Variants in RUNX2 observed in about 807,000 individuals in gnomAD.
RUNX2 encodes the protein RUNX family transcription factor 2.
A neutral mutation model predicts 51.7 loss-of-function variants in RUNX2; 10 were observed. The observed-to-expected ratio is 0.19, with a 90% CI of 0.12 to 0.33. The LOEUF (loss-of-function observed/expected upper bound fraction) is 0.33, where lower values mean the gene tolerates loss of function less well. RUNX2 is among the 10% of genes least tolerant of loss of function. The pLI is 1.00. For missense variants in RUNX2, 562 were observed against 691.3 expected, an observed-to-expected ratio of 0.81 and a Z score of 2.10; for synonymous variants, 276 against 273.6, an observed-to-expected ratio of 1.01 and a Z score of -0.09.
chr6:45,336,688 T>C (rs1355349826), intron 2 of RUNX2, among the ~76,000 whole-genome samples: 1 of 151,480 alleles, frequency 6.6e-6, no homozygotes, highest in Non-Finnish European at 1.5e-5. Context: ...CTCCAAGAAA[T>C]ACTGTAACAC....
chr6:45,340,973 CTTTATTTCT>C (rs1333431898), intron 2 of RUNX2, among the ~76,000 whole-genome samples: 1 of 152,086 alleles, frequency 6.6e-6, no homozygotes, highest in Non-Finnish European at 1.5e-5. Flanking sequence ...TCCAGACAAC[CTTTATTTCT>C]AAGCTTTAAC....
At chr6:45,382,178 A>ACATTT (rs1170845828) in intron 2 of RUNX2, among the ~76,000 whole-genome samples, 1 of 152,206 alleles carries the variant, frequency 6.6e-6, no homozygotes, top group African/African-American at 2.4e-5. Flanking sequence ...AACAACTTCT[A>ACATTT]CATTTCAACG....
At chr6:45,373,609 T>TG (rs1304556816) in intron 2 of RUNX2, among the ~76,000 whole-genome samples, 1 of 152,036 alleles carries the variant, frequency 6.6e-6, no homozygotes, top group Non-Finnish European at 1.5e-5. Flanking sequence ...TGGAGTGCAG[T>TG]GCACGATCTC....
intron 2 of RUNX2, among the ~76,000 whole-genome samples, chr6:45,419,095 A>T (rs1443699106): frequency 6.6e-6 from 1 of 152,242 alleles, no homozygotes. Flanking sequence ...AAAGTCCCCA[A>T]GGTAACTTCT....
In RUNX2 at chr6:45,491,972, T is replaced by G. The variant is rs777281204; in HGVS notation, c.717T>G (p.Pro239=). The change falls in exon 6 of 9, where the codon CCT becomes CCG. Residue 239 remains proline, a synonymous_variant. Coordinates refer to ENST00000647337, the MANE Select transcript of RUNX2 (RefSeq NM_001024630.4). ...RHRQKLDDSK[P]SLFSDRLSDL... The stretch of plus-strand genomic sequence containing the variant: ...GACAGAAGCTTGATGACTCTAAACC[T>G]AGTTTGTTCTCTGACCGCCTCAGTG... 4.3e-6 allele frequency: 7 copies of G among 1,613,942 alleles called. No individual in the cohort carries two copies. Among genetic ancestry groups the G allele is most frequent in the Non-Finnish European group, 5.9e-6 (7 of 1,179,892 alleles).
At chr6:45,437,588 TTGTC>T (rs1009944307) in intron 4 of RUNX2, among the ~76,000 whole-genome samples, 3 of 152,308 alleles carry the variant, frequency 2.0e-5, no homozygotes, top group African/African-American at 7.2e-5. Context: ...ACTTCTAAAA[TTGTC>T]TGTGCTTGGA....
intron 2 of RUNX2, chr6:45,421,307 C>T (rs1266402757): frequency 2.0e-5 from 3 of 152,150 alleles, no homozygotes; most frequent in Non-Finnish European, 4.4e-5. Flanking sequence ...TTCTTGTTCT[C>T]TAGGAATGAC....
chr6:45,482,197 TAAAA>T (rs1800137420), intron 5 of RUNX2, among the ~76,000 whole-genome samples: 1 of 152,236 alleles, frequency 6.6e-6, no homozygotes, highest in African/African-American at 2.4e-5. Context: ...CCAATCTTTT[TAAAA>T]AATTTTTTAA....
chr6:45,547,416 G>A lies in RUNX2; in HGVS notation c.*111G>A. On this transcript the variant is annotated 3_prime_UTR_variant, in exon 9 of 9. Coordinates refer to ENST00000647337, the MANE Select transcript of RUNX2 (RefSeq NM_001024630.4). ...TGTATATCGATTAGCTATCTACAAA[G>A]TGCCTATTTTTTAGAAGATTTTTCA... 1.1e-6 allele frequency: 1 copy of A among 939,768 alleles called. No homozygotes were observed. Among genetic ancestry groups the A allele is most frequent in the South Asian group, 1.3e-5 (1 of 74,160 alleles). 58.2% of individuals were successfully genotyped at this position (939,768 alleles called of 1,614,324 possible).
chr6:45,428,480 A>G (rs1798446155), intron 3 of RUNX2, among the ~76,000 whole-genome samples: 1 of 152,168 alleles, frequency 6.6e-6, no homozygotes, highest in South Asian at 2.1e-4. Context: ...CAATATATTT[A>G]GCCATTAAAC....
chr6:45,337,975 A>G (rs1788940947), intron 2 of RUNX2, among the ~76,000 whole-genome samples: 1 of 151,972 alleles, frequency 6.6e-6, no homozygotes, highest in Non-Finnish European at 1.5e-5. Context: ...AGGATTCTAA[A>G]TGCTTCTTTC....
At chr6:45,347,258 A>G in intron 2 of RUNX2, among the ~76,000 whole-genome samples, 1 of 152,214 alleles carries the variant, frequency 6.6e-6, no homozygotes, top group East Asian at 1.9e-4. Context: ...ACTACAGTGA[A>G]TAATTAAATT....
At chr6:45,343,267 T>A (rs1790192312) in intron 2 of RUNX2, among the ~76,000 whole-genome samples, 1 of 152,116 alleles carries the variant, frequency 6.6e-6, no homozygotes, top group African/African-American at 2.4e-5. Context: ...CCCAGCACTT[T>A]GGGAGGCCGA....
At chr6:45,428,859 A>T (rs1425272896) in intron 3 of RUNX2, among the ~76,000 whole-genome samples, 4 of 124,286 alleles carry the variant, frequency 3.2e-5, no homozygotes, top group African/African-American at 1.3e-4. Context: ...TTTTTTTCGG[A>T]AATGTAGCCA....
At chr6:45,528,883 G>A (rs1270802677) in intron 7 of RUNX2, among the ~76,000 whole-genome samples, 2 of 152,242 alleles carry the variant, frequency 1.3e-5, no homozygotes, top group African/African-American at 2.4e-5. Context: ...AGAGGACTGA[G>A]AAATTGGGGC....
chr6:45,383,172 A>G (rs1368960850), intron 2 of RUNX2, among the ~76,000 whole-genome samples: 2 of 152,122 alleles, frequency 1.3e-5, no homozygotes, highest in Admixed American at 1.3e-4. Flanking sequence ...CGGTGACTCA[A>G]ACCTATAATT....
intron 5 of RUNX2, among the ~76,000 whole-genome samples, chr6:45,479,702 T>C (rs1011680479): frequency 2.6e-5 from 4 of 152,186 alleles, no homozygotes; most frequent in African/African-American, 9.7e-5. Flanking sequence ...CAGGCAGATA[T>C]CCACAAAACT....
chr6:45,371,280 G>A lies in RUNX2; in HGVS notation c.58+42496G>A, dbSNP rs567456757. 4.0e-5 allele frequency among the ~76,000 whole-genome samples: 6 copies of A among 151,826 alleles called. No homozygotes were observed. The South Asian group carries it at 1.0e-3, about 27-fold the overall frequency. On this transcript the variant is annotated intron_variant, in intron 2 of 8. Coordinates refer to ENST00000647337, the MANE Select transcript of RUNX2 (RefSeq NM_001024630.4). ...AAACAATTTACAAAATATCTGATGT[G>A]TTTAAAAACAGTTTATGTGACCAAA...
At chr6:45,457,840 G>A (rs1262995765) in intron 5 of RUNX2, among the ~76,000 whole-genome samples, 1 of 152,096 alleles carries the variant, frequency 6.6e-6, no homozygotes, top group Non-Finnish European at 1.5e-5. Context: ...AAAACATAGA[G>A]GCCCAGTCAG....
Sources: gnomAD v4.1 joint callset for allele counts (sites outside exome capture counted in the v4.1 genomes callset) on GRCh38, gnomAD v4.1.1 for gene constraint, MANE v1.5 for transcripts, NCBI Gene and HGNC (gene_info 2026-07-23, HGNC 2026-07-21) for gene names.